Variants in CDK14 observed in about 807,000 individuals in gnomAD.
The protein encoded by CDK14 is cyclin-dependent kinase 14.
CDK14 carries 34 observed loss-of-function variants against 60.7 expected under a neutral mutation model. That is an observed-to-expected ratio of 0.56 (90% confidence interval 0.43 to 0.75). The LOEUF (loss-of-function observed/expected upper bound fraction) is 0.75. Among genes scored for constraint, CDK14 ranks in the 30% least tolerant of loss-of-function variants. The pLI is 0.00. For synonymous variants in CDK14, 197 were observed against 203.7 expected (o/e 0.97, Z 0.28); for missense variants, 482 against 564.1 (o/e 0.85, Z 1.47).
At chr7:91,201,162 A>C (rs894234448) in intron 14 of CDK14, among the ~76,000 whole-genome samples, 2 of 152,254 alleles carry the variant, frequency 1.3e-5, no homozygotes, top group Non-Finnish European at 2.9e-5. Context: ...AAGCTAATAC[A>C]TAAAGCTAAA....
At position 90,701,090 on chromosome 7, in the gene CDK14, T is replaced by A. The variant is rs567991412; in HGVS notation, c.124-25477T>A. On this transcript the variant is annotated intron_variant, in intron 2 of 14. Transcript: ENST00000380050. ...TCCAAAATCCCCTCGATATTACTTG[T>A]TTAATTTTTAATAACCCTTTTTCCT... 3.3e-5 allele frequency among the ~76,000 whole-genome samples: 5 copies of A among 152,360 alleles called. No homozygotes were observed. The East Asian group carries it at 9.6e-4, about 29-fold the overall frequency.
chr7:91,064,626 C>T (rs145035744), intron 11 of CDK14, among the ~76,000 whole-genome samples: 228 of 152,192 alleles, frequency 1.5e-3, no homozygotes, highest in African/African-American at 5.1e-3. Flanking sequence ...TCACTATAGC[C>T]CGCATCACAG....
chr7:90,892,550 C>T (rs1353847679), intron 6 of CDK14, among the ~76,000 whole-genome samples: 1 of 151,984 alleles, frequency 6.6e-6, no homozygotes, highest in Non-Finnish European at 1.5e-5. Context: ...TTATTTTTCT[C>T]TTGCTTTTTA....
chr7:91,072,598 A>G (rs1193172070), intron 11 of CDK14, among the ~76,000 whole-genome samples: 1 of 152,180 alleles, frequency 6.6e-6, no homozygotes, highest in Non-Finnish European at 1.5e-5. Context: ...TGAAAACCCA[A>G]AAGGCCAGAG....
intron 14 of CDK14, among the ~76,000 whole-genome samples, chr7:91,193,528 A>T (rs1011887212): frequency 6.6e-6 from 1 of 152,202 alleles, no homozygotes; most frequent in Non-Finnish European, 1.5e-5. Flanking sequence ...TTGGAAAAAT[A>T]TGCAATTATA....
At chr7:91,113,446 G>A (rs924603045) in intron 13 of CDK14, among the ~76,000 whole-genome samples, 2 of 152,084 alleles carry the variant, frequency 1.3e-5, no homozygotes, top group African/African-American at 4.8e-5. Flanking sequence ...TTTATGGCTG[G>A]GAGGATCTCA....
chr7:90,710,139 A>G (rs1802005995), intron 2 of CDK14: 2 of 985,108 alleles, frequency 2.0e-6, no homozygotes, highest in Non-Finnish European at 2.4e-6. Flanking sequence ...TATTTAAATT[A>G]GAGACTGACT....
At chr7:90,702,064 G>A (rs966759422) in intron 2 of CDK14, among the ~76,000 whole-genome samples, 3 of 152,168 alleles carry the variant, frequency 2.0e-5, no homozygotes, top group Non-Finnish European at 4.4e-5. Context: ...TTCCTTGTCT[G>A]TTCCTGGATA....
intron 2 of CDK14, among the ~76,000 whole-genome samples, chr7:90,707,334 A>AATTC (rs1290005996): frequency 2.6e-5 from 4 of 152,258 alleles, no homozygotes; most frequent in African/African-American, 9.6e-5. Context: ...CTCAGCAGGT[A>AATTC]ACCCATGGTG....
At chr7:90,798,319 C>A (rs1219396608) in intron 5 of CDK14, among the ~76,000 whole-genome samples, 1 of 151,548 alleles carries the variant, frequency 6.6e-6, no homozygotes, top group East Asian at 1.9e-4. Flanking sequence ...CTGTTTATAT[C>A]TGGAAGCAAA....
chr7:90,828,295 C>A (rs1789793484), intron 5 of CDK14, among the ~76,000 whole-genome samples: 1 of 152,184 alleles, frequency 6.6e-6, no homozygotes, highest in Non-Finnish European at 1.5e-5. Context: ...GCCATGTGGA[C>A]CCAGCAGTAT....
intron 4 of CDK14, among the ~76,000 whole-genome samples, chr7:90,771,454 A>G (rs1015671181): frequency 6.6e-6 from 1 of 152,216 alleles, no homozygotes; most frequent in South Asian, 2.1e-4. Flanking sequence ...AATGAGGTAC[A>G]CAGACACTGG....
chr7:91,135,752 A>G (rs1250419522), intron 14 of CDK14, among the ~76,000 whole-genome samples: 2 of 152,158 alleles, frequency 1.3e-5, no homozygotes, highest in Non-Finnish European at 2.9e-5. Flanking sequence ...TCTAAACCCA[A>G]AGGGCTCAAA....
intron 10 of CDK14, among the ~76,000 whole-genome samples, chr7:91,016,425 T>G (rs780960249): frequency 8.5e-5 from 13 of 152,188 alleles, no homozygotes; most frequent in Non-Finnish European, 1.6e-4. Flanking sequence ...CAAGCCATTA[T>G]CCTAGGTGGT....
chr7:90,630,888 A>ATATGTGTGTGTG (rs1554422972), intron 2 of CDK14, among the ~76,000 whole-genome samples: 1 of 148,364 alleles, frequency 6.7e-6, no homozygotes, highest in South Asian at 2.2e-4. Flanking sequence ...TGGGGTGTGT[A>ATATGTGTGTGTG]TGTGTGTGTG....
At chr7:90,872,673 A>G (rs570453950) in intron 6 of CDK14, among the ~76,000 whole-genome samples, 2 of 142,080 alleles carry the variant, frequency 1.4e-5, no homozygotes, top group East Asian at 4.5e-4. Flanking sequence ...TCCTGTTTAC[A>G]TCATATCTAT....
intron 2 of CDK14, among the ~76,000 whole-genome samples, chr7:90,699,527 CATT>C (rs768274987): frequency 3.9e-5 from 6 of 152,194 alleles, no homozygotes; most frequent in Non-Finnish European, 8.8e-5. Context: ...CTTGAGTTTA[CATT>C]ATTCTTAATC....
intron 2 of CDK14, among the ~76,000 whole-genome samples, chr7:90,652,211 A>G (rs1298556862): frequency 6.6e-6 from 1 of 152,202 alleles, no homozygotes; most frequent in Non-Finnish European, 1.5e-5. Flanking sequence ...TAGTTTGTGT[A>G]TATTAAAATT....
At chr7:90,960,581 A>T (rs1376002305) in intron 9 of CDK14, among the ~76,000 whole-genome samples, 1 of 152,176 alleles carries the variant, frequency 6.6e-6, no homozygotes, top group Non-Finnish European at 1.5e-5. Context: ...AAAAATGTCC[A>T]CATCAAAATT....
Sources: allele counts gnomAD v4.1 joint callset (sites outside exome capture counted in the v4.1 genomes callset), GRCh38; gene constraint gnomAD v4.1.1; transcripts MANE v1.5; gene names NCBI Gene and HGNC (gene_info 2026-07-23, HGNC 2026-07-21).